KIF2C: variants seen among roughly 807,000 people sequenced by gnomAD.
The protein encoded by KIF2C is kinesin-like protein KIF2C.
In KIF2C, 34 loss-of-function variants were observed where a neutral mutation model predicts 97.4. The observed-to-expected ratio is 0.35, with a 90% CI of 0.27 to 0.46. The LOEUF (loss-of-function observed/expected upper bound fraction) is 0.46, where lower values mean the gene tolerates loss of function less well. Among genes scored for constraint, KIF2C ranks in the 20% least tolerant of loss-of-function variants. The pLI is 1.00. For missense variants in KIF2C, 750 were observed against 907.6 expected, an observed-to-expected ratio of 0.83 and a Z score of 2.23; for synonymous variants, 313 against 318.2, an observed-to-expected ratio of 0.98 and a Z score of 0.17.
intron 2 of KIF2C, chr1:44,746,743 C>T: frequency 6.2e-7 from 1 of 1,610,212 alleles, no homozygotes; most frequent in Non-Finnish European, 8.5e-7. Flanking sequence ...AATCAGAAAC[C>T]CATATCCATC....
chr1:44,747,309 A>G (rs1649256885), intron 2 of KIF2C, 75 bp from the exon 3 acceptor site: 3 of 650,956 alleles, frequency 4.6e-6, no homozygotes, highest in Admixed American at 8.0e-5. Context: ...CTCTGTCTCA[A>G]AAAAAAAAAA....
chr1:44,746,868 A>AT, intron 2 of KIF2C: 1 of 1,086,946 alleles, frequency 9.2e-7, no homozygotes, highest in Non-Finnish European at 1.3e-6. Context: ...TAGAAATTTA[A>AT]TTTTTTCTAT....
At chr1:44,754,584 A>G (rs1031404907) in intron 7 of KIF2C, among the ~76,000 whole-genome samples, 166 bp from the exon 8 acceptor site, 2 of 152,200 alleles carry the variant, frequency 1.3e-5, no homozygotes, top group Non-Finnish European at 1.5e-5. Flanking sequence ...CCCTCTGCCA[A>G]TCTCTTCCCC....
intron 19 of KIF2C, among the ~76,000 whole-genome samples, chr1:44,763,720 G>C (rs1440478033): frequency 7.2e-5 from 11 of 152,112 alleles, no homozygotes; most frequent in African/African-American, 2.7e-4. Flanking sequence ...GCAGTTAGGA[G>C]ATTGTTGGAA....
intron 2 of KIF2C, among the ~76,000 whole-genome samples, chr1:44,743,106 G>T (rs754560796): frequency 6.6e-6 from 1 of 152,198 alleles, no homozygotes; most frequent in Non-Finnish European, 1.5e-5. Flanking sequence ...GGAGACAAAG[G>T]TCTTCATGTC....
chr1:44,750,305 T>C, intron 4 of KIF2C, 137 bp from the exon 5 acceptor site: 1 of 931,888 alleles, frequency 1.1e-6, no homozygotes, highest in Non-Finnish European at 1.4e-6. Flanking sequence ...TTTTCCTTTC[T>C]AAGGAATATG....
rs867043560 is a variant in KIF2C at position 44,752,177 on chromosome 1, C to T, written c.440-955C>T. ...TTTTTGAGACAGAGTCTCGCTCTGTCGCCCAGGCTGGAGTGCAGTGCTGCG... is the reference window on the plus strand; with the variant it reads ...TTTTTGAGACAGAGTCTCGCTCTGTTGCCCAGGCTGGAGTGCAGTGCTGCG... On this transcript the variant is annotated intron_variant, in intron 5 of 20. Coordinates refer to ENST00000372224, the MANE Select transcript of KIF2C (RefSeq NM_006845.4). Among the ~76,000 whole-genome samples, 261 of 123,784 alleles carry T rather than the reference C, an allele frequency of 2.1e-3. 3 individuals are homozygous for T. The highest frequency in any genetic ancestry group is 7.7e-3 in the African/African-American group (245 of 31,746). 81.2% of individuals were successfully genotyped at this position (123,784 alleles called of 152,430 possible).
chr1:44,746,410 G>A, intron 2 of KIF2C: 2 of 1,127,676 alleles, frequency 1.8e-6, no homozygotes, highest in East Asian at 1.0e-4. Flanking sequence ...TGGGCAGGAA[G>A]CCGTAACTGG....
intron 13 of KIF2C, among the ~76,000 whole-genome samples, chr1:44,758,432 T>C (rs1649957398): frequency 6.6e-6 from 1 of 152,160 alleles, no homozygotes; most frequent in Non-Finnish European, 1.5e-5. Flanking sequence ...CTTCCCCGAT[T>C]GTGCACGTTC....
Position 44,759,347 on chromosome 1 carries a change from AGGTGAGAGTCCT to A in KIF2C, c.1367+6_1367+17del. 6.2e-7 allele frequency: 1 copy of A among 1,614,064 alleles called. No individual in the cohort carries two copies. Among genetic ancestry groups the A allele is most frequent in the Non-Finnish European group, 8.5e-7 (1 of 1,179,982 alleles). ...GATGATCGACATGGGCAGCGCCTGC[AGGTGAGAGTCCT>A]GGTGAGGGGAAGGAGCGACCTTCTC... is the stretch of plus-strand genomic sequence containing the variant. On this transcript the variant is annotated splice_donor_variant and splice_donor_5th_base_variant and coding_sequence_variant and intron_variant, in exon 14 of 21. Coordinates refer to ENST00000372224, the MANE Select transcript of KIF2C (RefSeq NM_006845.4). LOFTEE classifies it high-confidence loss of function.
intron 19 of KIF2C, among the ~76,000 whole-genome samples, chr1:44,762,898 C>G (rs1650244090): frequency 1.3e-5 from 2 of 152,230 alleles, no homozygotes; most frequent in Admixed American, 6.5e-5. Flanking sequence ...CAGAGCTAGT[C>G]TCTCCTCCAC....
In KIF2C at chr1:44,760,227, G is replaced by C; in HGVS notation, c.1368-53G>C. ...CTTCCTAGAGAACTTCTGTGGACTT[G>C]GGTGCCATGGGGGCTGGTGACCACA... On this transcript the variant is annotated intron_variant, in intron 14 of 20. Transcript: ENST00000372224. The surrounding 1 kb of genome is among the most constrained non-coding windows in gnomAD (Gnocchi z 4.2). 6.5e-7 allele frequency: 1 copy of C among 1,536,112 alleles called. No homozygotes were observed. Among genetic ancestry groups the C allele is most frequent in the Non-Finnish European group, 9.0e-7 (1 of 1,112,654 alleles).
Position 44,747,641 on chromosome 1 carries a change from T to G in KIF2C, c.268-11T>G, listed in dbSNP as rs759389378. The G allele has an allele frequency of 3.7e-6, 6 of 1,613,666 alleles. No homozygotes were observed. The South Asian group carries it at 5.5e-5, about 15-fold the overall frequency. ...GAGCCATATATTGTGACAATTTGAT[T>G]TGTTTTTCAGAAACAAAAACGGAGA... On this transcript the variant is annotated splice_polypyrimidine_tract_variant and intron_variant, in intron 3 of 20. Transcript: ENST00000372224.
In KIF2C at chr1:44,753,181, G is replaced by T. The variant is rs1183299498; in HGVS notation, c.489G>T (p.Arg163Ser). ...SCPAVAEIPL[R>S]MVSEEMEEQV... ...CTGCAGTGGCTGAAATACCATTGAGGATGGTCAGCGAGGAGATGGAAGAGC... is the reference window on the plus strand; with the variant it reads ...CTGCAGTGGCTGAAATACCATTGAGTATGGTCAGCGAGGAGATGGAAGAGC... The change falls in exon 6 of 21, where the codon AGG becomes AGT. Residue 163 changes from arginine to serine, a missense_variant. Coordinates refer to ENST00000372224, the MANE Select transcript of KIF2C (RefSeq NM_006845.4). 1 of 1,614,012 alleles carries T rather than the reference G, an allele frequency of 6.2e-7. No homozygotes were observed. The highest frequency in any genetic ancestry group is 8.5e-7 in the Non-Finnish European group (1 of 1,179,934).
intron 19 of KIF2C, 21 bp downstream of exon 19, chr1:44,762,679 A>G: frequency 6.5e-7 from 1 of 1,537,464 alleles, no homozygotes; most frequent in Non-Finnish European, 9.0e-7. Flanking sequence ...GGCCCTGGAC[A>G]GGGAGCTGGA....
Position 44,756,246 on chromosome 1 carries a change from C to T in KIF2C, c.977+9C>T. The stretch of plus-strand genomic sequence containing the variant: ...AATGAAGTTGTCTACAGGTTAGTCC[C>T]TTGCATCCATTTTTCCCTCCTTGTG... On this transcript the variant is annotated intron_variant, in intron 10 of 20. Coordinates refer to ENST00000372224, the MANE Select transcript of KIF2C (RefSeq NM_006845.4). 6.2e-7 allele frequency: 1 copy of T among 1,612,076 alleles called. No homozygotes were observed. The highest frequency in any genetic ancestry group is 8.5e-7 in the Non-Finnish European group (1 of 1,178,280).
chr1:44,746,134 T>C (rs931410974), intron 2 of KIF2C, among the ~76,000 whole-genome samples: 1 of 152,194 alleles, frequency 6.6e-6, no homozygotes, highest in Non-Finnish European at 1.5e-5. Context: ...CACCTCGGCC[T>C]CCCAAAGTGC....
At chr1:44,759,544 C>T (rs1164331867) in intron 14 of KIF2C, among the ~76,000 whole-genome samples, 196 bp downstream of exon 14, 5 of 152,120 alleles carry the variant, frequency 3.3e-5, no homozygotes, top group African/African-American at 1.2e-4. Context: ...CAAGTCAGGT[C>T]AGGCACAGTG....
chr1:44,745,659 G>A (rs1312120490), intron 2 of KIF2C, among the ~76,000 whole-genome samples: 3 of 150,884 alleles, frequency 2.0e-5, no homozygotes, highest in African/African-American at 7.3e-5. Context: ...TAGTAGAGAC[G>A]GGGTTTTTCC....
Sources: allele counts gnomAD v4.1 joint callset (sites outside exome capture counted in the v4.1 genomes callset), GRCh38; gene constraint gnomAD v4.1.1; non-coding constraint Gnocchi (gnomAD v3.1); transcripts MANE v1.5; gene names NCBI Gene and HGNC (gene_info 2026-07-23, HGNC 2026-07-21).